HVCN1: variants seen among roughly 807,000 people sequenced by gnomAD.
The protein encoded by HVCN1 is voltage-gated hydrogen channel 1.
HVCN1 carries 14 observed loss-of-function variants against 29.2 expected under a neutral mutation model. The ratio of observed to expected loss-of-function variants is 0.48; its 90% CI spans 0.32 to 0.75. The LOEUF is 0.75. HVCN1 is among the 30% of genes least tolerant of loss of function. The pLI is 0.04. For synonymous variants in HVCN1, 131 were observed against 133.2 expected (o/e 0.98, Z 0.11); for missense variants, 263 against 341.8 (o/e 0.77, Z 1.82).
intron 2 of HVCN1, among the ~76,000 whole-genome samples, chr12:110,700,012 G>C (rs771568955): frequency 1.3e-4 from 20 of 152,228 alleles, no homozygotes; most frequent in Non-Finnish European, 2.2e-4. Context: ...GGAGGACCCA[G>C]GAGGGGGCGA....
chr12:110,703,936 C>T (rs772521922), intron 1 of HVCN1, among the ~76,000 whole-genome samples: 7 of 152,164 alleles, frequency 4.6e-5, no homozygotes, highest in South Asian at 2.1e-4. Flanking sequence ...CTGCCCACCT[C>T]GGCCTCCCAA....
At chr12:110,681,398 GAA>G (rs1374723733) in intron 3 of HVCN1, among the ~76,000 whole-genome samples, 20 of 152,266 alleles carry the variant, frequency 1.3e-4, no homozygotes, top group African/African-American at 4.6e-4. Context: ...TTTGTGTCTA[GAA>G]CAGTGGCATG....
At chr12:110,663,142 G>GC (rs1306104719) in intron 3 of HVCN1, among the ~76,000 whole-genome samples, 1 of 152,168 alleles carries the variant, frequency 6.6e-6, no homozygotes, top group Admixed American at 6.5e-5. Flanking sequence ...ACAGAAACAG[G>GC]CACCAGCACC....
chr12:110,658,029 G>A lies in HVCN1; in HGVS notation c.307-2691C>T, dbSNP rs2068046017. On this transcript the variant is annotated intron_variant, in intron 4 of 7. Transcript: ENST00000242607. This position sits in a 1 kb window ranked among gnomAD's most constrained non-coding sequence, Gnocchi z 5.0. ...GCAACAATGGGAGCATGACGTGAGT[G>A]AAGTATGAAGGGCGCTTAGCACACG... is the stretch of plus-strand genomic sequence containing the variant. Among the ~76,000 whole-genome samples the A allele has an allele frequency of 6.6e-6, 1 of 152,184 alleles. No individual in the cohort carries two copies. Among genetic ancestry groups the A allele is most frequent in the Non-Finnish European group, 1.5e-5 (1 of 68,032 alleles).
chr12:110,698,123 G>A (rs1281865169), intron 2 of HVCN1, among the ~76,000 whole-genome samples: 2 of 152,038 alleles, frequency 1.3e-5, no homozygotes, highest in Non-Finnish European at 2.9e-5. Context: ...ACTGTTCGTG[G>A]GTCAAGTTCT....
At chr12:110,660,269 G>T (rs950439472) in intron 4 of HVCN1, among the ~76,000 whole-genome samples, 5 of 152,168 alleles carry the variant, frequency 3.3e-5, no homozygotes, top group Admixed American at 1.3e-4. Context: ...CCAGCTACTC[G>T]GGAGGCTGAG....
chr12:110,693,008 G>T (rs2069435345), upstream of HVCN1, among the ~76,000 whole-genome samples: 1 of 151,962 alleles, frequency 6.6e-6, no homozygotes, highest in Non-Finnish European at 1.5e-5. Flanking sequence ...TGGGACTACA[G>T]GCACATGCTA....
intron 1 of HVCN1, among the ~76,000 whole-genome samples, chr12:110,704,247 T>C (rs769441826): frequency 6.6e-6 from 1 of 152,190 alleles, no homozygotes; most frequent in Admixed American, 6.5e-5. Flanking sequence ...TGTGTGGCTC[T>C]TAAGAAGAAG....
At position 110,649,179 on chromosome 12, in the gene HVCN1, T is replaced by G; in HGVS notation, c.*231A>C. 5 of 683,394 alleles carry G rather than the reference T, an allele frequency of 7.3e-6. No homozygotes were observed. Among genetic ancestry groups the G allele is most frequent in the Non-Finnish European group, 7.9e-6 (3 of 377,518 alleles). 42.3% of individuals were successfully genotyped at this position (683,394 alleles called of 1,614,324 possible). On this transcript the variant is annotated 3_prime_UTR_variant, in exon 8 of 8. Coordinates refer to ENST00000242607, the MANE Select transcript of HVCN1 (RefSeq NM_032369.4). The stretch of plus-strand genomic sequence containing the variant: ...TCAATTAAGGCTAAAGTGTTCAACA[T>G]GAGAAAATGTGATACATTTGATACA...
intron 5 of HVCN1, among the ~76,000 whole-genome samples, 171 bp downstream of exon 5, chr12:110,655,063 T>G (rs1182031903): frequency 1.3e-5 from 2 of 152,044 alleles, no homozygotes; most frequent in African/African-American, 4.8e-5. Flanking sequence ...GTTTCCTGCT[T>G]GTAGTAAATG....
At chr12:110,650,138 C>T (rs2067733931) in intron 7 of HVCN1, 30 bp downstream of exon 7, 2 of 1,466,154 alleles carry the variant, frequency 1.4e-6, no homozygotes, top group African/African-American at 1.4e-5. Flanking sequence ...AGCCACCACG[C>T]CTGGTCCCCA....
upstream of HVCN1, among the ~76,000 whole-genome samples, chr12:110,690,489 T>C (rs936986679): frequency 6.6e-6 from 1 of 152,024 alleles, no homozygotes; most frequent in Admixed American, 6.6e-5. Flanking sequence ...TTCTTTTTTC[T>C]TTTTTTTGGA....
chr12:110,699,264 G>A (rs1166308467), intron 2 of HVCN1, among the ~76,000 whole-genome samples: 1 of 152,354 alleles, frequency 6.6e-6, no homozygotes. Flanking sequence ...CACTCGCTGG[G>A]TCCCTGGTGG....
At chr12:110,688,042 G>GC (rs1337737081) in intron 2 of HVCN1, 4 of 152,232 alleles carry the variant, frequency 2.6e-5, no homozygotes, top group African/African-American at 7.2e-5. Flanking sequence ...ATCTCAGATA[G>GC]CCCTGAACAA....
intron 3 of HVCN1, among the ~76,000 whole-genome samples, chr12:110,674,630 A>T (rs1219221633): frequency 1.3e-5 from 2 of 152,210 alleles, no homozygotes; most frequent in East Asian, 3.8e-4. Flanking sequence ...TTCTCATGAT[A>T]GCAAATAAGT....
chr12:110,678,538 C>T (rs1254973242), intron 3 of HVCN1, among the ~76,000 whole-genome samples: 10 of 142,932 alleles, frequency 7.0e-5, no homozygotes, highest in African/African-American at 1.0e-4. Context: ...GCAGCCTCAA[C>T]GTCCTGGGCT....
chr12:110,650,419 A>G, intron 6 of HVCN1, 139 bp from the exon 7 acceptor site: 1 of 591,860 alleles, frequency 1.7e-6, no homozygotes, highest in South Asian at 1.9e-5. Flanking sequence ...AGGGCATCAG[A>G]ACTGGGAGGT....
chr12:110,698,681 C>T (rs549436585), intron 2 of HVCN1, among the ~76,000 whole-genome samples: 1 of 152,352 alleles, frequency 6.6e-6, no homozygotes, highest in Non-Finnish European at 1.5e-5. Context: ...CCAGGAGTTT[C>T]CTCCTCCTGC....
intron 3 of HVCN1, among the ~76,000 whole-genome samples, chr12:110,664,314 A>G (rs769218286): frequency 1.3e-5 from 2 of 152,236 alleles, no homozygotes; most frequent in Admixed American, 1.3e-4. Flanking sequence ...TTTGTTAAGC[A>G]ACAATGAATC....
Sources: gnomAD v4.1 joint callset for allele counts (sites outside exome capture counted in the v4.1 genomes callset) on GRCh38, gnomAD v4.1.1 for gene constraint, Gnocchi (gnomAD v3.1) non-coding constraint, MANE v1.5 for transcripts, NCBI Gene and HGNC (gene_info 2026-07-23, HGNC 2026-07-21) for gene names.